Variants in SLC39A9 observed in about 807,000 individuals in gnomAD.
SLC39A9 encodes zinc transporter ZIP9.
SLC39A9 carries 14 observed loss-of-function variants against 28.4 expected under a neutral mutation model. The observed-to-expected ratio is 0.49, with a 90% confidence interval of 0.33 to 0.77. The LOEUF (loss-of-function observed/expected upper bound fraction) is 0.77. Ranked by LOEUF, SLC39A9 falls within the 30% of genes least tolerant of loss-of-function variation. The probability of loss-of-function intolerance (pLI) is 0.02; values close to 1 mark genes in which losing one functional copy is unlikely to be tolerated. For synonymous variants in SLC39A9, 119 were observed against 149.6 expected (o/e 0.80, Z 1.49); for missense variants, 283 against 381.1 (o/e 0.74, Z 2.14).
chr14:69,419,250 C>T (rs548187659), intron 1 of SLC39A9, among the ~76,000 whole-genome samples: 4 of 152,244 alleles, frequency 2.6e-5, no homozygotes, highest in South Asian at 2.1e-4. Context: ...GCCTTCATTT[C>T]GTTGTTTACC....
Position 69,461,483 on chromosome 14 carries a change from T to TA in SLC39A9, c.*2891dup. On this transcript the variant is annotated 3_prime_UTR_variant, in exon 7 of 7. Coordinates refer to ENST00000336643, the MANE Select transcript of SLC39A9 (RefSeq NM_018375.5). ...GAAACAGTACTACCTACCTAGAGGTTATGTGTTTTCTCTTTCTCCCCGCTT... is the reference window on the plus strand; with the variant it reads ...GAAACAGTACTACCTACCTAGAGGTTAATGTGTTTTCTCTTTCTCCCCGCTT... 7.0e-7 allele frequency: 1 copy of TA among 1,420,394 alleles called. No homozygotes were observed. The highest frequency in any genetic ancestry group is 9.2e-7 in the Non-Finnish European group (1 of 1,090,248). The allele number at this position is 1,420,394 out of a possible 1,614,324, so 88.0% of individuals were successfully genotyped here. A position where few individuals can be genotyped will look rare whatever the true frequency, so the allele number is the denominator to read the frequency against.
Position 69,429,296 on chromosome 14 carries a change from T to C in SLC39A9, c.205+5094T>C, listed in dbSNP as rs559508104. ...TTTTTTTAATCTTTTAATTCCATTT[T>C]TCCACAAGCTTTTTGAAGTCCCCTT... On this transcript the variant is annotated intron_variant, in intron 2 of 6. Coordinates refer to ENST00000336643, the MANE Select transcript of SLC39A9 (RefSeq NM_018375.5). The C allele has an allele frequency of 1.2e-4, 19 of 152,322 alleles. No individual in the cohort carries two copies. In the East Asian group the frequency reaches 3.5e-3, roughly 28 times the overall value. The allele number at this position is 152,322 out of a possible 1,614,324, so 9.4% of individuals were successfully genotyped here. A position where few individuals can be genotyped will look rare whatever the true frequency, so the allele number is the denominator to read the frequency against.
chr14:69,433,355 A>G (rs1305163285), intron 2 of SLC39A9, among the ~76,000 whole-genome samples: 1 of 152,034 alleles, frequency 6.6e-6, no homozygotes, highest in Admixed American at 6.6e-5. Context: ...TTTATTAAGG[A>G]TTTTTGTGTT....
Position 69,460,323 on chromosome 14 carries a change from G to A in SLC39A9, c.*1730G>A. On this transcript the variant is annotated 3_prime_UTR_variant, in exon 7 of 7. Transcript: ENST00000336643. ...TGAGCCCTCTGCTGGCCACAGTGAG[G>A]AAAGTAGCACAAATAGGATACAGTT... 1.0e-6 allele frequency: 1 copy of A among 985,600 alleles called. No homozygotes were observed. Among genetic ancestry groups the A allele is most frequent in the Non-Finnish European group, 1.2e-6 (1 of 829,940 alleles). 61.1% of individuals were successfully genotyped at this position (985,600 alleles called of 1,614,324 possible). A position where few individuals can be genotyped will look rare whatever the true frequency, so the allele number is the denominator to read the frequency against.
At chr14:69,451,542 T>C (rs1041187803) in intron 3 of SLC39A9, among the ~76,000 whole-genome samples, 10 of 152,092 alleles carry the variant, frequency 6.6e-5, no homozygotes, top group Non-Finnish European at 1.3e-4. Context: ...AAAAGAGAGG[T>C]AGAAAATTTA....
chr14:69,403,206 T>C (rs536789334), intron 1 of SLC39A9, among the ~76,000 whole-genome samples: 19 of 152,386 alleles, frequency 1.2e-4, no homozygotes, highest in Admixed American at 2.6e-4. Flanking sequence ...CACTGTCTTA[T>C]GTTTTTTCGA....
Position 69,399,068 on chromosome 14 carries a change from C to T in SLC39A9, c.-302C>T. On this transcript the variant is annotated 5_prime_UTR_variant, in exon 1 of 7. Coordinates refer to ENST00000336643, the MANE Select transcript of SLC39A9 (RefSeq NM_018375.5). ...AGAAATCGATCATTCGCACATTTTC[C>T]CCATTGACTTTTCCCATCTCTGTTA... 1 of 325,122 alleles carries T rather than the reference C, an allele frequency of 3.1e-6. No homozygotes were observed. The allele number at this position is 325,122 out of a possible 1,614,324, so 20.1% of individuals were successfully genotyped here.
chr14:69,419,819 C>T (rs1883782346), intron 1 of SLC39A9, among the ~76,000 whole-genome samples: 1 of 152,116 alleles, frequency 6.6e-6, no homozygotes, highest in Admixed American at 6.6e-5. Context: ...AGGATTGCAA[C>T]CCCTGCTTTT....
chr14:69,454,697 A>G, intron 4 of SLC39A9, 115 bp from the exon 5 acceptor site: 4 of 722,360 alleles, frequency 5.5e-6, no homozygotes, highest in Non-Finnish European at 9.4e-6. Flanking sequence ...TAGAAAGGTT[A>G]AGTAACATTA....
chr14:69,410,440 C>G (rs561316180), intron 1 of SLC39A9, among the ~76,000 whole-genome samples: 1 of 152,258 alleles, frequency 6.6e-6, no homozygotes, highest in African/African-American at 2.4e-5. Context: ...TATCCTGCTC[C>G]TACACAATAA....
chr14:69,449,766 G>A (rs1885515650), intron 3 of SLC39A9, among the ~76,000 whole-genome samples: 1 of 152,186 alleles, frequency 6.6e-6, no homozygotes, highest in Non-Finnish European at 1.5e-5. Context: ...GAGAGTAGCT[G>A]CAGAAAGTAA....
intron 2 of SLC39A9, among the ~76,000 whole-genome samples, chr14:69,434,730 C>G (rs1475260887): frequency 3.3e-5 from 5 of 152,088 alleles, no homozygotes; most frequent in African/African-American, 4.8e-5. Context: ...GCTTTATTTG[C>G]ATCTCAAAAT....
Position 69,402,861 on chromosome 14 carries a change from T to C in SLC39A9, c.96+3396T>C, listed in dbSNP as rs139648943. 3.0e-3 allele frequency among the ~76,000 whole-genome samples: 462 copies of C among 152,104 alleles called. 4 individuals are homozygous for C. The highest frequency in any genetic ancestry group is 0.011 in the African/African-American group (450 of 41,514). On this transcript the variant is annotated intron_variant, in intron 1 of 6. Transcript: ENST00000336643. ...CTTTGGGAGGCTGAGGTGGGCGGAT[T>C]ACCTGAGGTCAGGAGTTCGAGACCA...
Position 69,460,365 on chromosome 14 carries a change from A to G in SLC39A9, c.*1772A>G. On this transcript the variant is annotated 3_prime_UTR_variant, in exon 7 of 7. Coordinates refer to ENST00000336643, the MANE Select transcript of SLC39A9 (RefSeq NM_018375.5). Reference sequence around the variant, plus strand: ...GATACAGTTGTATGTAGTCATTGGCAACAATTGCATACAATTTTACTACCA... The same window carrying G: ...GATACAGTTGTATGTAGTCATTGGCGACAATTGCATACAATTTTACTACCA... 1 of 985,514 alleles carries G rather than the reference A, an allele frequency of 1.0e-6. No individual in the cohort carries two copies. Among genetic ancestry groups the G allele is most frequent in the Non-Finnish European group, 1.2e-6 (1 of 829,944 alleles). 61.0% of individuals were successfully genotyped at this position (985,514 alleles called of 1,614,324 possible).
At chr14:69,441,436 T>A (rs1885045005) in intron 2 of SLC39A9, among the ~76,000 whole-genome samples, 4 of 152,224 alleles carry the variant, frequency 2.6e-5, no homozygotes, top group Non-Finnish European at 5.9e-5. Context: ...TAAACTGGGA[T>A]TATCAGCTGG....
At chr14:69,415,443 AG>A (rs1184203413) in intron 1 of SLC39A9, among the ~76,000 whole-genome samples, 5 of 152,156 alleles carry the variant, frequency 3.3e-5, no homozygotes, top group African/African-American at 1.2e-4. Flanking sequence ...GTGTCTGTGC[AG>A]TGTTTTACCC....
intron 1 of SLC39A9, among the ~76,000 whole-genome samples, chr14:69,420,270 T>A (rs931630358): frequency 6.6e-6 from 1 of 152,254 alleles, no homozygotes; most frequent in African/African-American, 2.4e-5. Context: ...TTAGTTTGGC[T>A]GGATATTAAA....
At chr14:69,423,992 T>TCTCACAAATGAGCAG (rs1221020950) in intron 1 of SLC39A9, 102 bp from the exon 2 acceptor site, 1 of 714,318 alleles carries the variant, frequency 1.4e-6, no homozygotes, top group Non-Finnish European at 2.4e-6. Context: ...TAGATGTTGG[T>TCTCACAAATGAGCAG]CTCACAAATG....
Position 69,458,931 on chromosome 14 carries a change from G to A in SLC39A9, c.*338G>A, listed in dbSNP as rs147099348. The stretch of plus-strand genomic sequence containing the variant: ...AGAACTTCATACTCACAATGAAATA[G>A]TGATTATGAAAATACAGTGTTCTGT... On this transcript the variant is annotated 3_prime_UTR_variant, in exon 7 of 7. Transcript: ENST00000336643. 13 of 1,037,478 alleles carry A rather than the reference G, an allele frequency of 1.3e-5. 1 individual carries two copies. The African/African-American group carries it at 1.5e-4, about 12-fold the overall frequency. The allele number at this position is 1,037,478 out of a possible 1,614,324, so 64.3% of individuals were successfully genotyped here. A position where few individuals can be genotyped will look rare whatever the true frequency, so the allele number is the denominator to read the frequency against.
Sources: allele counts gnomAD v4.1 joint callset (sites outside exome capture counted in the v4.1 genomes callset), GRCh38; gene constraint gnomAD v4.1.1; transcripts MANE v1.5; gene names NCBI Gene and HGNC (gene_info 2026-07-23, HGNC 2026-07-21).